Variants in ASIC5 observed in about 807,000 individuals in gnomAD.
ASIC5 encodes bile acid-sensitive ion channel.
A neutral mutation model predicts 51.2 loss-of-function variants in ASIC5; 52 were observed. The ratio of observed to expected loss-of-function variants is 1.02; its 90% CI spans 0.81 to 1.28. ASIC5 has a LOEUF of 1.28. Among genes scored for constraint, ASIC5 ranks in the 50% most tolerant of loss-of-function variants. The probability of loss-of-function intolerance (pLI) is 0.00; values close to 1 mark genes in which losing one functional copy is unlikely to be tolerated. For synonymous variants in ASIC5, 231 were observed against 200.7 expected, an observed-to-expected ratio of 1.15 and a Z score of -1.28; for missense variants, 635 against 595.0, an observed-to-expected ratio of 1.07 and a Z score of -0.70.
chr4:155,857,335 C>A (rs961985828), intron 2 of ASIC5, among the ~76,000 whole-genome samples: 1 of 151,812 alleles, frequency 6.6e-6, no homozygotes, highest in Non-Finnish European at 1.5e-5. Flanking sequence ...TGTTGCCTGG[C>A]CTGGTCTCAA....
At chr4:155,853,107 A>G (rs1741422071) in intron 3 of ASIC5, among the ~76,000 whole-genome samples, 1 of 152,108 alleles carries the variant, frequency 6.6e-6, no homozygotes, top group African/African-American at 2.4e-5. Flanking sequence ...TCAGTTTACT[A>G]GAACAGAAAT....
intron 5 of ASIC5, among the ~76,000 whole-genome samples, chr4:155,842,985 C>A (rs566370466): frequency 3.3e-5 from 5 of 152,252 alleles, no homozygotes; most frequent in Admixed American, 3.3e-4. Context: ...CCACTGCAAA[C>A]AGTGCAAACT....
intron 2 of ASIC5, 29 bp downstream of exon 2, chr4:155,863,418 AC>A: frequency 6.5e-7 from 1 of 1,528,880 alleles, no homozygotes; most frequent in Non-Finnish European, 8.9e-7. Flanking sequence ...ATTTATAGGA[AC>A]TAATTATTTT....
At chr4:155,862,162 A>C (rs1447179662) in intron 2 of ASIC5, among the ~76,000 whole-genome samples, 1 of 152,122 alleles carries the variant, frequency 6.6e-6, no homozygotes, top group Non-Finnish European at 1.5e-5. Flanking sequence ...GTTAGAACAC[A>C]TGCTACTTAA....
chr4:155,861,126 A>T (rs1030780550), intron 2 of ASIC5, among the ~76,000 whole-genome samples: 2 of 152,122 alleles, frequency 1.3e-5, no homozygotes, highest in African/African-American at 4.8e-5. Context: ...TATTTGAATA[A>T]TTTAAAATAT....
At chr4:155,854,963 A>G (rs1478383280) in intron 2 of ASIC5, 1 of 152,142 alleles carries the variant, frequency 6.6e-6, no homozygotes, top group Admixed American at 6.6e-5. Flanking sequence ...TTGAGCTTGT[A>G]TTTGTTTCCC....
intron 8 of ASIC5, among the ~76,000 whole-genome samples, chr4:155,834,643 G>A (rs1740937292): frequency 6.6e-6 from 1 of 152,128 alleles, no homozygotes; most frequent in South Asian, 2.1e-4. Context: ...ATACTGGGTA[G>A]AAGAGGGCGG....
chr4:155,853,516 ATGTATTTGTTT>A (rs995866160), intron 3 of ASIC5, among the ~76,000 whole-genome samples: 1 of 149,550 alleles, frequency 6.7e-6, no homozygotes, highest in Non-Finnish European at 1.5e-5. Flanking sequence ...TGTATTTGTT[ATGTATTTGTTT>A]TGTATTTGTT....
chr4:155,848,672 A>T (rs1447780574), intron 4 of ASIC5, among the ~76,000 whole-genome samples: 1 of 152,012 alleles, frequency 6.6e-6, no homozygotes, highest in Non-Finnish European at 1.5e-5. Context: ...AGGTGTTTTT[A>T]TAATCAGCTA....
chr4:155,854,122 G>A lies in ASIC5; in HGVS notation c.540C>T (p.Ser180=). 1 of 1,613,220 alleles carries A rather than the reference G, an allele frequency of 6.2e-7. No individual in the cohort carries two copies. The change falls in exon 3 of 10, where the codon AGC becomes AGT. Residue 180 remains serine (S), a synonymous_variant. Coordinates refer to ENST00000537611, the MANE Select transcript of ASIC5 (RefSeq NM_017419.3). ...CAAAAAACTCACAGTCCAACAAAGT[G>A]CTATTGTTGAGATAAAAACCTTTGT... ...IRNKGFYLNN[S]TLLDCEFFGK... is the part of the protein sequence containing the mutation.
rs1430514652 is a variant in ASIC5 at position 155,854,085 on chromosome 4, T to A, written c.577A>T (p.Ser193Cys). 2 of 1,609,402 alleles carry A rather than the reference T, an allele frequency of 1.2e-6. No homozygotes were observed. The highest frequency in any genetic ancestry group is 1.7e-6 in the Non-Finnish European group (2 of 1,176,380). ...GAATAGAAAATCGTTACCTTTGGGCTACATGGCTTTCCAAAAAACTCACAG... is the reference window on the plus strand; with the variant it reads ...GAATAGAAAATCGTTACCTTTGGGCAACATGGCTTTCCAAAAAACTCACAG... ...LDCEFFGKPCSPKDFAHVFTE... is the reference protein window; with the variant it reads ...LDCEFFGKPCCPKDFAHVFTE... The change falls in exon 3 of 10, where the codon AGC becomes TGC. Residue 193 changes from serine (S) to cysteine (C), a missense_variant. By Grantham distance (112) the Ser-to-Cys change is moderately radical. Coordinates refer to ENST00000537611, the MANE Select transcript of ASIC5 (RefSeq NM_017419.3).
chr4:155,837,024 G>A (rs1002064911), intron 7 of ASIC5, among the ~76,000 whole-genome samples, 167 bp from the exon 8 acceptor site: 2 of 152,134 alleles, frequency 1.3e-5, no homozygotes, highest in Non-Finnish European at 2.9e-5. Flanking sequence ...TATAGCAGAG[G>A]AGATACAATA....
intron 2 of ASIC5, among the ~76,000 whole-genome samples, chr4:155,862,842 T>G (rs1446815083): frequency 1.3e-5 from 2 of 152,214 alleles, no homozygotes; most frequent in African/African-American, 4.8e-5. Context: ...CTCTTCCATT[T>G]CTTCTTCATC....
At chr4:155,842,088 T>C in intron 6 of ASIC5, 119 bp downstream of exon 6, 2 of 955,532 alleles carry the variant, frequency 2.1e-6, no homozygotes, top group Non-Finnish European at 3.1e-6. Context: ...GTAATTACAC[T>C]TAATAATACT....
In ASIC5 at chr4:155,843,672, A is replaced by T; in HGVS notation, c.861+9T>A. ...ACCCCACCTAATTTCCTCAGACTCG[A>T]GTATTTACCTTCACTTGGCGGATGG... On this transcript the variant is annotated intron_variant, in intron 5 of 9. Transcript: ENST00000537611. The T allele has an allele frequency of 6.2e-7, 1 of 1,613,016 alleles. No individual in the cohort carries two copies. The highest frequency in any genetic ancestry group is 8.5e-7 in the Non-Finnish European group (1 of 1,179,418).
intron 3 of ASIC5, among the ~76,000 whole-genome samples, chr4:155,853,583 T>C (rs1233814292): frequency 1.5e-3 from 4 of 2,630 alleles, no homozygotes; most frequent in African/African-American, 3.0e-3. Flanking sequence ...TTATTATATA[T>C]AATATATAAT....
At chr4:155,862,827 G>T (rs1431593202) in intron 2 of ASIC5, among the ~76,000 whole-genome samples, 1 of 152,126 alleles carries the variant, frequency 6.6e-6, no homozygotes, top group Non-Finnish European at 1.5e-5. Context: ...TTGCAAAGTA[G>T]TTCCCTCTTC....
rs1741135990 is a variant in ASIC5, at chr4:155,842,277, A to G, written c.939T>C (p.Ser313=). 6 of 1,613,738 alleles carry G rather than the reference A, an allele frequency of 3.7e-6. No homozygotes were observed. The highest frequency in any genetic ancestry group is 4.2e-6 in the Non-Finnish European group (5 of 1,179,766). Residue 313 remains serine, a synonymous_variant, in exon 6 of 10, where the codon TCT becomes TCC. Transcript: ENST00000537611. ...KLQNFSSYST[S]GCLKECKAQH... ...GGGCTTTGCATTCCTTCAAGCAACC[A>G]GAAGTGCTGTAGCTGCTAAAATTCT...
intron 4 of ASIC5, among the ~76,000 whole-genome samples, chr4:155,844,930 A>G (rs1177854472): frequency 1.3e-5 from 2 of 152,028 alleles, no homozygotes; most frequent in Non-Finnish European, 2.9e-5. Context: ...GGTAGCTGCA[A>G]CACAGGACGA....
Sources: gnomAD v4.1 joint callset for allele counts (sites outside exome capture counted in the v4.1 genomes callset) on GRCh38, gnomAD v4.1.1 for gene constraint, MANE v1.5 for transcripts, NCBI Gene and HGNC (gene_info 2026-07-23, HGNC 2026-07-21) for gene names.